Variants in SPON1 observed in about 807,000 individuals in gnomAD.
SPON1 encodes the protein spondin 1.
Under a neutral mutation model 111.7 loss-of-function variants are expected in SPON1, and 52 were observed. The ratio of observed to expected loss-of-function variants is 0.47; its 90% CI spans 0.37 to 0.59. SPON1 has a LOEUF of 0.59. SPON1 is among the 20% of genes least tolerant of loss of function. The pLI, the probability that SPON1 is intolerant of heterozygous loss-of-function variation, is 0.00. For synonymous variants in SPON1, 410 were observed against 395.8 expected (o/e 1.04, Z -0.43); for missense variants, 957 against 1,068.5 (o/e 0.90, Z 1.46).
At chr11:14,222,517 T>C (rs1554937682) in intron 6 of SPON1, among the ~76,000 whole-genome samples, 2 of 152,178 alleles carry the variant, frequency 1.3e-5, no homozygotes, top group African/African-American at 4.8e-5. Flanking sequence ...ATGAGTAGAC[T>C]TAGAAAGCCT....
chr11:14,057,534 G>A (rs11023069), intron 3 of SPON1, among the ~76,000 whole-genome samples: 9,764 of 152,102 alleles, frequency 0.064, 422 homozygotes, highest in South Asian at 0.17. Context: ...CTAATCTCAT[G>A]GTTATATTGT....
At chr11:13,970,005 G>A (rs1848050166) in intron 1 of SPON1, among the ~76,000 whole-genome samples, 1 of 152,252 alleles carries the variant, frequency 6.6e-6, no homozygotes, top group Admixed American at 6.5e-5. Flanking sequence ...GAATGGAGTA[G>A]CAAGTGGCCC....
At chr11:14,176,502 C>T (rs1848176845) in intron 6 of SPON1, among the ~76,000 whole-genome samples, 1 of 152,030 alleles carries the variant, frequency 6.6e-6, no homozygotes, top group Non-Finnish European at 1.5e-5. Context: ...CACAATGGAG[C>T]TACAGACACC....
At chr11:14,179,696 T>C (rs1418310067) in intron 6 of SPON1, among the ~76,000 whole-genome samples, 3 of 152,148 alleles carry the variant, frequency 2.0e-5, no homozygotes, top group Non-Finnish European at 4.4e-5. Flanking sequence ...GTGGATTAAA[T>C]GAGATACTTT....
At chr11:14,200,354 A>G (rs1848448712) in intron 6 of SPON1, among the ~76,000 whole-genome samples, 1 of 152,228 alleles carries the variant, frequency 6.6e-6, no homozygotes, top group Non-Finnish European at 1.5e-5. Context: ...GAGGAAGGAA[A>G]GAAGTAAGAG....
chr11:14,131,480 T>C (rs1847529517), intron 5 of SPON1, among the ~76,000 whole-genome samples: 1 of 152,190 alleles, frequency 6.6e-6, no homozygotes, highest in Non-Finnish European at 1.5e-5. Context: ...TCCCCTTTTC[T>C]ATCTATTTCT....
chr11:14,243,662 C>G (rs1294470141), intron 7 of SPON1, among the ~76,000 whole-genome samples: 3 of 152,196 alleles, frequency 2.0e-5, no homozygotes, highest in Non-Finnish European at 4.4e-5. Flanking sequence ...GGATGATTAA[C>G]TGTTCTGTGT....
At chr11:14,257,566 G>A in intron 10 of SPON1, 150 bp from the exon 11 acceptor site, 1 of 562,422 alleles carries the variant, frequency 1.8e-6, no homozygotes, top group East Asian at 3.1e-5. Context: ...AAGGGAAGTG[G>A]ATGGCTGCTT....
intron 6 of SPON1, among the ~76,000 whole-genome samples, chr11:14,138,084 A>G (rs1847612830): frequency 6.6e-6 from 1 of 152,200 alleles, no homozygotes; most frequent in East Asian, 1.9e-4. Flanking sequence ...CTGCAAACTA[A>G]CACAGTGTTC....
At chr11:14,025,387 G>T (rs782150627) in intron 2 of SPON1, among the ~76,000 whole-genome samples, 2 of 152,210 alleles carry the variant, frequency 1.3e-5, no homozygotes, top group Non-Finnish European at 2.9e-5. Context: ...CAGGCACAAT[G>T]CTAGGTGCTG....
At chr11:14,159,759 A>G (rs10832220) in intron 6 of SPON1, among the ~76,000 whole-genome samples, 59,597 of 151,822 alleles carry the variant, frequency 0.39, 11,955 homozygotes, top group East Asian at 0.55. Context: ...GGATATCATT[A>G]TGTTAAGTGA....
chr11:14,212,015 A>G (rs1336789213), intron 6 of SPON1, among the ~76,000 whole-genome samples: 1 of 152,194 alleles, frequency 6.6e-6, no homozygotes, highest in Non-Finnish European at 1.5e-5. Flanking sequence ...AAGTTAAGGT[A>G]GTAAATAGTA....
At chr11:14,263,820 GGAGTTT>G (rs1282517925) in intron 15 of SPON1, among the ~76,000 whole-genome samples, 52 of 152,232 alleles carry the variant, frequency 3.4e-4, no homozygotes, top group Admixed American at 3.1e-3. Flanking sequence ...CTTGAGGTCA[GGAGTTT>G]GAGACCAGCC....
chr11:13,974,387 A>C (rs1591337047), intron 1 of SPON1, among the ~76,000 whole-genome samples: 1 of 152,192 alleles, frequency 6.6e-6, no homozygotes, highest in East Asian at 1.9e-4. Context: ...TTCTATTAAT[A>C]ATTCTGAAAC....
intron 2 of SPON1, among the ~76,000 whole-genome samples, chr11:14,037,501 T>G (rs1436471250): frequency 2.0e-5 from 3 of 146,892 alleles, no homozygotes; most frequent in Non-Finnish European, 4.5e-5. Context: ...CAACAAATGG[T>G]GCTGAAACAA....
chr11:14,163,520 ACTT>A (rs1847991572), intron 6 of SPON1, among the ~76,000 whole-genome samples: 1 of 151,920 alleles, frequency 6.6e-6, no homozygotes, highest in Non-Finnish European at 1.5e-5. Flanking sequence ...GGAAGTGATT[ACTT>A]CTTATAGCCC....
At chr11:14,257,515 G>A (rs1399161801) in intron 10 of SPON1, among the ~76,000 whole-genome samples, 2 of 152,208 alleles carry the variant, frequency 1.3e-5, no homozygotes, top group Non-Finnish European at 2.9e-5. Flanking sequence ...TGCTTATTTA[G>A]ATTAGATATT....
At chr11:14,051,678 C>T (rs1336030274) in intron 3 of SPON1, among the ~76,000 whole-genome samples, 4 of 152,124 alleles carry the variant, frequency 2.6e-5, no homozygotes, top group Non-Finnish European at 4.4e-5. Context: ...TTAGACTTTC[C>T]AGCCCCCAGG....
intron 6 of SPON1, among the ~76,000 whole-genome samples, chr11:14,230,395 A>AGAGAAG (rs1462678245): frequency 6.6e-6 from 1 of 152,248 alleles, no homozygotes; most frequent in African/African-American, 2.4e-5. Context: ...AAGTAAAGAA[A>AGAGAAG]GAGAAGGAGA....
Sources: gnomAD v4.1 joint callset for allele counts (sites outside exome capture counted in the v4.1 genomes callset) on GRCh38, gnomAD v4.1.1 for gene constraint, MANE v1.5 for transcripts, NCBI Gene and HGNC (gene_info 2026-07-23, HGNC 2026-07-21) for gene names.